The following ZNF521 variants were observed in gnomAD, a reference collection of about 807,000 sequenced individuals.
The protein encoded by ZNF521 is zinc finger protein 521, also known as LYST-interacting protein 3.
In ZNF521, 14 loss-of-function variants were observed where a neutral mutation model predicts 105.5. The ratio of observed to expected loss-of-function variants is 0.13; its 90% CI spans 0.09 to 0.21. The LOEUF (loss-of-function observed/expected upper bound fraction) is 0.21, where lower values mean the gene tolerates loss of function less well. Ranked by LOEUF, ZNF521 falls within the 10% of genes least tolerant of loss-of-function variation. The pLI is 1.00. For synonymous variants in ZNF521, 635 were observed against 606.0 expected, an observed-to-expected ratio of 1.05 and a Z score of -0.70; for missense variants, 1,233 against 1,629.7, an observed-to-expected ratio of 0.76 and a Z score of 4.19.
chr18:25,211,650 T>A (rs992562778), intron 4 of ZNF521, among the ~76,000 whole-genome samples: 1 of 152,228 alleles, frequency 6.6e-6, no homozygotes, highest in Non-Finnish European at 1.5e-5. Context: ...TTTCTAGTTA[T>A]GTGTTATAAA....
chr18:25,160,170 A>C (rs1244217655), intron 5 of ZNF521, among the ~76,000 whole-genome samples: 2 of 152,004 alleles, frequency 1.3e-5, no homozygotes, highest in African/African-American at 4.8e-5. Context: ...GTTTGTTACT[A>C]CTCTATTCGT....
chr18:25,182,884 T>G (rs1425806315), intron 5 of ZNF521, among the ~76,000 whole-genome samples: 2 of 152,110 alleles, frequency 1.3e-5, no homozygotes, highest in Non-Finnish European at 2.9e-5. Flanking sequence ...ATTATACTGA[T>G]AAGCATGGAA....
At chr18:25,066,192 G>A (rs1407281803) in intron 7 of ZNF521, among the ~76,000 whole-genome samples, 3 of 152,194 alleles carry the variant, frequency 2.0e-5, no homozygotes, top group Non-Finnish European at 4.4e-5. Context: ...ATGGCAGGGT[G>A]TCCCCAGGCC....
chr18:25,179,422 C>T (rs2035592961), intron 5 of ZNF521, among the ~76,000 whole-genome samples: 1 of 151,862 alleles, frequency 6.6e-6, no homozygotes, highest in Non-Finnish European at 1.5e-5. Flanking sequence ...TGAGATGGCA[C>T]TCACAGCATT....
intron 7 of ZNF521, among the ~76,000 whole-genome samples, chr18:25,080,651 A>G (rs2033473696): frequency 1.3e-5 from 2 of 152,226 alleles, no homozygotes; most frequent in African/African-American, 4.8e-5. Flanking sequence ...GATCAGGAAG[A>G]CGCTGGAATG....
intron 7 of ZNF521, among the ~76,000 whole-genome samples, chr18:25,077,028 C>T (rs1033270140): frequency 2.0e-5 from 3 of 152,196 alleles, no homozygotes; most frequent in African/African-American, 7.2e-5. Context: ...ACAAATCCTA[C>T]CCAGCCCTGT....
chr18:25,133,622 T>C lies in ZNF521; in HGVS notation c.3659-41541A>G, dbSNP rs192456726. 5.4e-3 allele frequency among the ~76,000 whole-genome samples: 816 copies of C among 152,328 alleles called. 9 individuals carry two copies. Among genetic ancestry groups the C allele is most frequent in the African/African-American group, 0.019 (785 of 41,592 alleles). On this transcript the variant is annotated intron_variant, in intron 5 of 7. Transcript: ENST00000361524. ...CTGTGTATCTAAACATATCCATATA[T>C]GCAACAATGCATACAAAAATAAACT... is the stretch of plus-strand genomic sequence containing the variant.
rs114155230 is a variant in ZNF521, at chr18:25,227,017, C to T, written c.901G>A (p.Glu301Lys). 4,846 of 1,614,168 alleles carry T rather than the reference C, an allele frequency of 3.0e-3. 13 individuals carry two copies. The highest frequency in any genetic ancestry group is 3.7e-3 in the Non-Finnish European group (4,388 of 1,180,030). ...VEETSLMNHMEQVHSGEKKNS... is the reference protein window; with the variant it reads ...VEETSLMNHMKQVHSGEKKNS... ...TTCTTCTCCCCGCTATGCACCTGCT[C>T]CATGTGGTTCATGAGGGAGGTCTCC... Residue 301 changes from glutamate (E) to lysine (K), a missense_variant, in exon 4 of 8, where the codon GAG becomes AAG. Physicochemically the swap from Glu to Lys is moderately conservative, Grantham distance 56. This residue lies in a region of ZNF521 where 380 missense variants were observed against 478.0 expected (regional missense o/e 0.80). Transcript: ENST00000361524. The surrounding 1 kb of genome is among the most constrained non-coding windows in gnomAD (Gnocchi z 5.7).
intron 5 of ZNF521, among the ~76,000 whole-genome samples, chr18:25,142,947 T>G (rs939815620): frequency 6.6e-6 from 1 of 152,154 alleles, no homozygotes; most frequent in African/African-American, 2.4e-5. Context: ...GTAATTCAGT[T>G]CCAAAGATAT....
intron 3 of ZNF521, among the ~76,000 whole-genome samples, chr18:25,304,439 C>T (rs1006868255): frequency 2.0e-5 from 3 of 152,176 alleles, no homozygotes; most frequent in Admixed American, 2.0e-4. Context: ...AGGTTAGTAA[C>T]TGACTTTACA....
At chr18:25,308,094 C>T (rs1243263076) in intron 3 of ZNF521, among the ~76,000 whole-genome samples, 2 of 148,714 alleles carry the variant, frequency 1.3e-5, no homozygotes, top group Non-Finnish European at 3.0e-5. Context: ...CCCAGCTACT[C>T]AGGAAGCTGA....
intron 5 of ZNF521, among the ~76,000 whole-genome samples, chr18:25,124,462 T>C (rs1330893380): frequency 6.6e-6 from 1 of 152,208 alleles, no homozygotes; most frequent in African/African-American, 2.4e-5. Context: ...GGTGAAATGA[T>C]AAAAGTTGAA....
intron 3 of ZNF521, among the ~76,000 whole-genome samples, chr18:25,273,898 G>A (rs8084967): frequency 2.6e-5 from 4 of 151,824 alleles, no homozygotes; most frequent in Non-Finnish European, 4.4e-5. Flanking sequence ...TAAACTAATT[G>A]TTTAAAGTTT....
chr18:25,129,193 T>C (rs1277166115), intron 5 of ZNF521, among the ~76,000 whole-genome samples: 2 of 151,032 alleles, frequency 1.3e-5, no homozygotes, highest in Non-Finnish European at 3.0e-5. Context: ...GGTAATCTAA[T>C]GGTGAAAGTA....
At chr18:25,083,804 C>G (rs1241340492) in intron 7 of ZNF521, among the ~76,000 whole-genome samples, 1 of 151,900 alleles carries the variant, frequency 6.6e-6, no homozygotes, top group African/African-American at 2.4e-5. Context: ...CTCTCTCTCT[C>G]TGTCGCCCAG....
intron 5 of ZNF521, among the ~76,000 whole-genome samples, chr18:25,185,058 C>G (rs1474082589): frequency 6.6e-6 from 1 of 152,090 alleles, no homozygotes; most frequent in East Asian, 1.9e-4. Flanking sequence ...ATGTCTTAAG[C>G]AAACCTAAAA....
At chr18:25,171,060 C>T (rs1567993167) in intron 5 of ZNF521, among the ~76,000 whole-genome samples, 1 of 152,044 alleles carries the variant, frequency 6.6e-6, no homozygotes, top group South Asian at 2.1e-4. Flanking sequence ...AAAATAATTG[C>T]ATTCATAATT....
chr18:25,316,715 G>A (rs866871466), intron 3 of ZNF521, among the ~76,000 whole-genome samples: 1 of 151,630 alleles, frequency 6.6e-6, no homozygotes, highest in Non-Finnish European at 1.5e-5. Flanking sequence ...TTCCTCCTTG[G>A]CCTCCACTTA....
At chr18:25,305,492 G>C (rs1038825299) in intron 3 of ZNF521, among the ~76,000 whole-genome samples, 2 of 152,074 alleles carry the variant, frequency 1.3e-5, no homozygotes, top group South Asian at 2.1e-4. Context: ...ATAGAACTTA[G>C]AATAAAACGT....
Sources: gnomAD v4.1 joint callset for allele counts (sites outside exome capture counted in the v4.1 genomes callset) on GRCh38, gnomAD v4.1.1 for gene constraint, gnomAD v4.1.1 regional missense constraint, Gnocchi (gnomAD v3.1) non-coding constraint, MANE v1.5 for transcripts, NCBI Gene and HGNC (gene_info 2026-07-23, HGNC 2026-07-21) for gene names.